The following ZNF589 variants were observed in gnomAD, a reference collection of about 807,000 sequenced individuals.
ZNF589 encodes KRAB-zinc finger protein SZF1-1.
ZNF589 carries 17 observed loss-of-function variants against 13.6 expected under a neutral mutation model. That is an observed-to-expected ratio of 1.25 (90% confidence interval 0.86 to 1.88). ZNF589 has a LOEUF of 1.88. Ranked by LOEUF, ZNF589 falls within the 40% of genes most tolerant of loss-of-function variation. ZNF589 has a pLI of 0.00. For synonymous variants in ZNF589, 148 were observed against 161.6 expected, an observed-to-expected ratio of 0.92 and a Z score of 0.64; for missense variants, 407 against 434.0, an observed-to-expected ratio of 0.94 and a Z score of 0.55.
chr3:48,246,554 C>T (rs538362248), intron 1 of ZNF589, among the ~76,000 whole-genome samples: 1 of 152,348 alleles, frequency 6.6e-6, no homozygotes, highest in Non-Finnish European at 1.5e-5. Flanking sequence ...AAGTGATCCT[C>T]CCACCTCAGC....
At chr3:48,256,255 G>A in intron 2 of ZNF589, 1 of 372,008 alleles carries the variant, frequency 2.7e-6, no homozygotes, top group Non-Finnish European at 5.2e-6. Flanking sequence ...TGGTGGGGTG[G>A]GGCAGGAGTA....
At chr3:48,249,368 G>A (rs1357840403) in intron 2 of ZNF589, among the ~76,000 whole-genome samples, 1 of 152,194 alleles carries the variant, frequency 6.6e-6, no homozygotes, top group African/African-American at 2.4e-5. Flanking sequence ...CTCCCACAGT[G>A]CTGGGATTAT....
chr3:48,248,500 C>T (rs1380996946), intron 2 of ZNF589, among the ~76,000 whole-genome samples: 3 of 152,136 alleles, frequency 2.0e-5, no homozygotes, highest in African/African-American at 7.2e-5. Flanking sequence ...GGATGAAGAG[C>T]CTCATAGAGT....
chr3:48,244,989 G>A (rs528214019), intron 1 of ZNF589, among the ~76,000 whole-genome samples: 2 of 151,694 alleles, frequency 1.3e-5, no homozygotes, highest in South Asian at 4.2e-4. Context: ...TAATTTTTGC[G>A]TTTTTGGTAG....
In ZNF589 at chr3:48,249,801, A is replaced by C. The variant is rs182434542; in HGVS notation, c.96+2124A>C. 1.8e-4 allele frequency among the ~76,000 whole-genome samples: 27 copies of C among 152,352 alleles called. No individual in the cohort carries two copies. In the East Asian group the frequency reaches 5.0e-3, roughly 28 times the overall value. On this transcript the variant is annotated intron_variant, in intron 2 of 3. Transcript: ENST00000354698. The stretch of plus-strand genomic sequence containing the variant: ...CATTTATCGTTTCTTTGTGATGAGA[A>C]CATCCAAAAGCCTCTTTTCTAGCTA...
At position 48,268,261 on chromosome 3, in the gene ZNF589, T is replaced by G; in HGVS notation, c.570T>G (p.Ser190Arg). ...GGNRILEIQL[S>R]PAQNASSEEV... ...ACAGAATATTAGAGATACAGCTCAG[T>G]CCAGCCCAGAATGCAAGCTCTGAGG... The change falls in exon 4 of 4, where the codon AGT becomes AGG. Residue 190 changes from serine to arginine, a missense_variant. Coordinates refer to ENST00000354698, the MANE Select transcript of ZNF589 (RefSeq NM_016089.3). 6.2e-7 allele frequency: 1 copy of G among 1,609,924 alleles called. No homozygotes were observed. Among genetic ancestry groups the G allele is most frequent in the Non-Finnish European group, 8.5e-7 (1 of 1,177,714 alleles).
intron 3 of ZNF589, among the ~76,000 whole-genome samples, chr3:48,266,787 A>G (rs1488218244): frequency 6.6e-6 from 1 of 152,206 alleles, no homozygotes; most frequent in Non-Finnish European, 1.5e-5. Flanking sequence ...ATATTATCGC[A>G]ACAGAGAATC....
intron 2 of ZNF589, among the ~76,000 whole-genome samples, chr3:48,248,636 G>C (rs2033797802): frequency 6.6e-6 from 1 of 152,250 alleles, no homozygotes; most frequent in African/African-American, 2.4e-5. Flanking sequence ...TAGCCAAATA[G>C]AGTTGTTAAA....
Position 48,268,831 on chromosome 3 carries a change from G to A in ZNF589, c.*45G>A. 6.4e-7 allele frequency: 1 copy of A among 1,563,388 alleles called. No homozygotes were observed. Among genetic ancestry groups the A allele is most frequent in the South Asian group, 1.2e-5 (1 of 81,800 alleles). On this transcript the variant is annotated 3_prime_UTR_variant, in exon 4 of 4. Transcript: ENST00000354698. ...GATCATGTCTCAACACACACCAGAGGATACATTCAGATGAGAAGCCTTTTG... is the reference window on the plus strand; with the variant it reads ...GATCATGTCTCAACACACACCAGAGAATACATTCAGATGAGAAGCCTTTTG...
Position 48,267,940 on chromosome 3 carries a change from C to CTGCCCTTCT in ZNF589, c.256_264dup (p.Ser86_Pro88dup). 2 of 1,611,878 alleles carry CTGCCCTTCT rather than the reference C, an allele frequency of 1.2e-6. No homozygotes were observed. Among genetic ancestry groups the CTGCCCTTCT allele is most frequent in the Non-Finnish European group, 1.7e-6 (2 of 1,179,946 alleles). ...CAGAATCAAAGCCAGAAGTCCATAC[C>CTGCCCTTCT]TGCCCTTCTTGCCCTCTGGCCTTTG... is the stretch of plus-strand genomic sequence containing the variant. On this transcript the variant is annotated inframe_insertion, in exon 4 of 4. Transcript: ENST00000354698.
chr3:48,270,247 C>T lies in ZNF589; in HGVS notation c.*1461C>T, dbSNP rs1420642023. The T allele has an allele frequency of 6.6e-6, 3 of 457,142 alleles. No homozygotes were observed. Among genetic ancestry groups the T allele is most frequent in the African/African-American group, 4.0e-5 (2 of 50,076 alleles). 28.3% of individuals were successfully genotyped at this position (457,142 alleles called of 1,614,324 possible). A position where few individuals can be genotyped will look rare whatever the true frequency, so the allele number is the denominator to read the frequency against. On this transcript the variant is annotated 3_prime_UTR_variant, in exon 4 of 4. Coordinates refer to ENST00000354698, the MANE Select transcript of ZNF589 (RefSeq NM_016089.3). ...GGGACACCTTTACCAGGTCCCCTTC[C>T]TAACCCTCCAGTCCCAAATCCAAGA...
chr3:48,247,674 T>A lies in ZNF589; in HGVS notation c.93T>A (p.Tyr31Ter). The part of the protein sequence containing the change: ...SAWPWEEKPR[Y>*]LGPVTFEDVA... ...GGCCCTGGGAAGAGAAGCCTAGATA[T>A]CTGGTGAGTTGGGCCCGCCCTTCTC... Residue 31 changes from tyrosine to a stop codon, truncating the protein, a stop_gained, in exon 2 of 4, where the codon TAT (tyrosine) becomes TAA (stop). Coordinates refer to ENST00000354698, the MANE Select transcript of ZNF589 (RefSeq NM_016089.3). LOFTEE classifies it high-confidence loss of function. 6.2e-7 allele frequency: 1 copy of A among 1,613,546 alleles called. No homozygotes were observed. The highest frequency in any genetic ancestry group is 8.5e-7 in the Non-Finnish European group (1 of 1,179,674).
At chr3:48,261,775 C>CTATT (rs2033971042) in intron 3 of ZNF589, among the ~76,000 whole-genome samples, 2 of 152,182 alleles carry the variant, frequency 1.3e-5, no homozygotes, top group African/African-American at 2.4e-5. Flanking sequence ...CTGCTTAGAC[C>CTATT]TATTTTGCAC....
At chr3:48,259,756 A>G (rs530486526) in intron 2 of ZNF589, among the ~76,000 whole-genome samples, 1 of 152,040 alleles carries the variant, frequency 6.6e-6, no homozygotes, top group African/African-American at 2.4e-5. Flanking sequence ...ACTAAAAACA[A>G]AATACAAAAA....
chr3:48,269,316 C>G lies in ZNF589; in HGVS notation c.*530C>G. 1.4e-6 allele frequency: 2 copies of G among 1,379,650 alleles called. No homozygotes were observed. Among genetic ancestry groups the G allele is most frequent in the Admixed American group, 1.9e-5 (1 of 51,468 alleles). The allele number at this position is 1,379,650 out of a possible 1,614,324, so 85.5% of individuals were successfully genotyped here. ...GGGCGAGGCTTTATAGCTCAGTCAA[C>G]CCTCCACTACCACCGGAGTACACAC... is the stretch of plus-strand genomic sequence containing the variant. On this transcript the variant is annotated 3_prime_UTR_variant, in exon 4 of 4. Coordinates refer to ENST00000354698, the MANE Select transcript of ZNF589 (RefSeq NM_016089.3).
chr3:48,260,242 A>G (rs895848714), intron 2 of ZNF589, among the ~76,000 whole-genome samples: 5 of 151,936 alleles, frequency 3.3e-5, no homozygotes, highest in Admixed American at 1.3e-4. Context: ...GGATCAGGCA[A>G]TCCTCCTACC....
chr3:48,268,018 T>C lies in ZNF589; in HGVS notation c.327T>C (p.Gly109=). ...AGCTACACAATCATCCTATTCCAGGTTTCCATGCAGGAAATCAACTCCACC... is the reference window on the plus strand; with the variant it reads ...AGCTACACAATCATCCTATTCCAGGCTTCCATGCAGGAAATCAACTCCACC... ...QDELHNHPIP[G]FHAGNQLHPG... Residue 109 remains glycine, a synonymous_variant, in exon 4 of 4, where the codon GGT becomes GGC. Transcript: ENST00000354698. 6.2e-7 allele frequency: 1 copy of C among 1,614,104 alleles called. No individual in the cohort carries two copies. The highest frequency in any genetic ancestry group is 1.1e-5 in the South Asian group (1 of 91,074).
chr3:48,268,717 T>C lies in ZNF589; in HGVS notation c.1026T>C (p.Arg342=), dbSNP rs1250554894. 5 of 1,613,400 alleles carry C rather than the reference T, an allele frequency of 3.1e-6. No individual in the cohort carries two copies. Among genetic ancestry groups the C allele is most frequent in the Non-Finnish European group, 4.2e-6 (5 of 1,179,794 alleles). ...GCACAGTGTGTGGGCGAGGCTTTCGTGAAAAGTCAGAGCTCATTAAGCACC... is the reference window on the plus strand; with the variant it reads ...GCACAGTGTGTGGGCGAGGCTTTCGCGAAAAGTCAGAGCTCATTAAGCACC... ...FMCTVCGRGF[R]EKSELIKHQR... Residue 342 remains arginine (R), a synonymous_variant, in exon 4 of 4, where the codon CGT becomes CGC. Coordinates refer to ENST00000354698, the MANE Select transcript of ZNF589 (RefSeq NM_016089.3).
Position 48,254,479 on chromosome 3 carries a change from A to C in ZNF589, c.97-6334A>C, listed in dbSNP as rs185934375. ...TTTTGTCTTTCCATGTAAACTCTAC[A>C]ATCAGTTTCTCGATAGGTACAAAAT... On this transcript the variant is annotated intron_variant, in intron 2 of 3. Coordinates refer to ENST00000354698, the MANE Select transcript of ZNF589 (RefSeq NM_016089.3). Among the ~76,000 whole-genome samples the C allele has an allele frequency of 1.5e-4, 23 of 152,346 alleles. No individual in the cohort carries two copies. In the East Asian group the frequency reaches 4.4e-3, roughly 29 times the overall value.
Sources: allele counts gnomAD v4.1 joint callset (sites outside exome capture counted in the v4.1 genomes callset), GRCh38; gene constraint gnomAD v4.1.1; transcripts MANE v1.5; gene names NCBI Gene and HGNC (gene_info 2026-07-23, HGNC 2026-07-21).